HS6ST3: variants seen among roughly 807,000 people sequenced by gnomAD.
HS6ST3 encodes the protein heparan-sulfate 6-O-sulfotransferase 3.
Under a neutral mutation model 36.7 loss-of-function variants are expected in HS6ST3, and 12 were observed. The ratio of observed to expected loss-of-function variants is 0.33; its 90% CI spans 0.21 to 0.53. HS6ST3 has a LOEUF of 0.53. Ranked by LOEUF, HS6ST3 falls within the 20% of genes least tolerant of loss-of-function variation. The probability of loss-of-function intolerance (pLI) is 0.95; values close to 1 mark genes in which losing one functional copy is unlikely to be tolerated. For synonymous variants in HS6ST3, 240 were observed against 257.5 expected, an observed-to-expected ratio of 0.93 and a Z score of 0.65; for missense variants, 584 against 640.9, an observed-to-expected ratio of 0.91 and a Z score of 0.96.
At chr13:96,193,628 G>A (rs12585736) in intron 1 of HS6ST3, among the ~76,000 whole-genome samples, 42,718 of 151,978 alleles carry the variant, frequency 0.28, 6,248 homozygotes, top group South Asian at 0.32. Context: ...CAAAACTGGA[G>A]CAGATGTTAC....
Position 96,838,213 on chromosome 13 carries a change from A to G in HS6ST3, c.*5015A>G, listed in dbSNP as rs987237635. On this transcript the variant is annotated 3_prime_UTR_variant, in exon 2 of 2. Coordinates refer to ENST00000376705, the MANE Select transcript of HS6ST3 (RefSeq NM_153456.4). The stretch of plus-strand genomic sequence containing the variant: ...ATATGACATGTAATACTGAAAAAAT[A>G]GAAAAATGACTAAGATACAGTCTCT... The G allele has an allele frequency of 6.6e-6, 1 of 152,128 alleles. No homozygotes were observed. Among genetic ancestry groups the G allele is most frequent in the African/African-American group, 2.4e-5 (1 of 41,474 alleles). The allele number at this position is 152,128 out of a possible 1,614,324, so 9.4% of individuals were successfully genotyped here.
chr13:96,312,608 CTTTA>C (rs1444212053), intron 1 of HS6ST3, among the ~76,000 whole-genome samples: 1 of 151,916 alleles, frequency 6.6e-6, no homozygotes, highest in Non-Finnish European at 1.5e-5. Flanking sequence ...TCAAATATGG[CTTTA>C]TTTATTTGGA....
chr13:96,495,675 C>T (rs2055971388), intron 1 of HS6ST3, among the ~76,000 whole-genome samples: 1 of 152,072 alleles, frequency 6.6e-6, no homozygotes, highest in Admixed American at 6.6e-5. Flanking sequence ...TAGCCTGGGG[C>T]AAGGGGAGTG....
At chr13:96,513,603 A>G (rs1317047712) in intron 1 of HS6ST3, among the ~76,000 whole-genome samples, 1 of 152,064 alleles carries the variant, frequency 6.6e-6, no homozygotes, top group Non-Finnish European at 1.5e-5. Context: ...TGTCTTAAAT[A>G]TTCTTTGAAC....
intron 1 of HS6ST3, among the ~76,000 whole-genome samples, chr13:96,287,203 C>G (rs1362563593): frequency 1.3e-5 from 2 of 152,092 alleles, no homozygotes; most frequent in African/African-American, 4.8e-5. Context: ...TCAGACATCC[C>G]TGTTGAATTC....
intron 1 of HS6ST3, among the ~76,000 whole-genome samples, chr13:96,118,908 C>T (rs938186971): frequency 1.3e-5 from 2 of 148,654 alleles, no homozygotes; most frequent in Non-Finnish European, 3.0e-5. Context: ...GACGGGGTTT[C>T]ACCTTGTTAG....
chr13:96,367,020 A>G (rs1024652550), intron 1 of HS6ST3, among the ~76,000 whole-genome samples: 3 of 152,192 alleles, frequency 2.0e-5, no homozygotes, highest in Non-Finnish European at 4.4e-5. Flanking sequence ...CTGTGAGTCC[A>G]TTAAACCTCT....
At chr13:96,122,524 C>T (rs943162925) in intron 1 of HS6ST3, among the ~76,000 whole-genome samples, 6 of 152,120 alleles carry the variant, frequency 3.9e-5, no homozygotes, top group Non-Finnish European at 7.4e-5. Flanking sequence ...TGTTAGCTTT[C>T]GAATACACTA....
At chr13:96,636,125 T>G (rs1259563061) in intron 1 of HS6ST3, among the ~76,000 whole-genome samples, 1 of 152,160 alleles carries the variant, frequency 6.6e-6, no homozygotes, top group African/African-American at 2.4e-5. Context: ...ATTTCTTTCA[T>G]CTGGCTTCTG....
intron 1 of HS6ST3, among the ~76,000 whole-genome samples, chr13:96,192,178 G>C (rs2054291404): frequency 6.6e-6 from 1 of 152,300 alleles, no homozygotes; most frequent in South Asian, 2.1e-4. Flanking sequence ...GATAACAAAA[G>C]TGCTTAGAAA....
chr13:96,181,011 A>T (rs2054237295), intron 1 of HS6ST3, among the ~76,000 whole-genome samples: 2 of 152,216 alleles, frequency 1.3e-5, no homozygotes, highest in South Asian at 4.1e-4. Context: ...ATAAAATAAC[A>T]TTCTGCTTAA....
chr13:96,703,170 A>G (rs1478789970), intron 1 of HS6ST3, among the ~76,000 whole-genome samples: 1 of 152,268 alleles, frequency 6.6e-6, no homozygotes, highest in East Asian at 1.9e-4. Flanking sequence ...GTTATCAGTA[A>G]GAGCATTGGC....
intron 1 of HS6ST3, among the ~76,000 whole-genome samples, chr13:96,792,476 T>C (rs1007548240): frequency 1.3e-5 from 2 of 151,904 alleles, no homozygotes; most frequent in Non-Finnish European, 2.9e-5. Context: ...ATTGCTGATC[T>C]CCAAGCTCCC....
At chr13:96,197,638 T>C (rs1004652124) in intron 1 of HS6ST3, among the ~76,000 whole-genome samples, 1 of 152,152 alleles carries the variant, frequency 6.6e-6, no homozygotes. Flanking sequence ...AGAAGCAAGC[T>C]AGCTACTTCC....
chr13:96,130,582 G>GA lies in HS6ST3; in HGVS notation c.707+39019dup, dbSNP rs1473251829. Among the ~76,000 whole-genome samples, 3 of 152,244 alleles carry GA rather than the reference G, an allele frequency of 2.0e-5. No individual in the cohort carries two copies. The East Asian group carries it at 5.8e-4, about 29-fold the overall frequency. On this transcript the variant is annotated intron_variant, in intron 1 of 1. Coordinates refer to ENST00000376705, the MANE Select transcript of HS6ST3 (RefSeq NM_153456.4). ...CAAGACATGGGGTGAATACCATGGG[G>GA]AAAAAATAACATACCTAACCAATCA...
chr13:96,148,516 A>G (rs77481583), intron 1 of HS6ST3, among the ~76,000 whole-genome samples: 4,088 of 152,308 alleles, frequency 0.027, 63 homozygotes, highest in Non-Finnish European at 0.034. Flanking sequence ...GACTAGAGCT[A>G]TTTATTAAGT....
intron 1 of HS6ST3, among the ~76,000 whole-genome samples, chr13:96,149,688 T>C (rs940237489): frequency 9.2e-5 from 14 of 152,180 alleles, no homozygotes; most frequent in African/African-American, 3.1e-4. Flanking sequence ...TCCCCTATAA[T>C]GGCAGTTTGA....
intron 1 of HS6ST3, among the ~76,000 whole-genome samples, chr13:96,697,916 G>A (rs1247528807): frequency 6.6e-6 from 1 of 152,098 alleles, no homozygotes; most frequent in Non-Finnish European, 1.5e-5. Context: ...TTTTCTAGTG[G>A]TTAATGGTTA....
chr13:96,356,281 T>C (rs535245136), intron 1 of HS6ST3, among the ~76,000 whole-genome samples: 1 of 152,322 alleles, frequency 6.6e-6, no homozygotes. Flanking sequence ...CCATGAATCA[T>C]AAATGTTCTT....
Sources: gnomAD v4.1 joint callset for allele counts (sites outside exome capture counted in the v4.1 genomes callset) on GRCh38, gnomAD v4.1.1 for gene constraint, MANE v1.5 for transcripts, NCBI Gene and HGNC (gene_info 2026-07-23, HGNC 2026-07-21) for gene names.